The following TNS3 variants were observed in gnomAD, a reference collection of about 807,000 sequenced individuals.
The protein encoded by TNS3 is tensin-3.
Under a neutral mutation model 140.9 loss-of-function variants are expected in TNS3, and 45 were observed. The observed-to-expected ratio is 0.32, with a 90% CI of 0.25 to 0.41. The LOEUF (loss-of-function observed/expected upper bound fraction) is 0.41, where lower values mean the gene tolerates loss of function less well. Ranked by LOEUF, TNS3 falls within the 10% of genes least tolerant of loss-of-function variation. The probability of loss-of-function intolerance (pLI) is 1.00; values close to 1 mark genes in which losing one functional copy is unlikely to be tolerated. For missense variants in TNS3, 1,716 were observed against 1,906.7 expected, an observed-to-expected ratio of 0.90 and a Z score of 1.86; for synonymous variants, 815 against 788.4, an observed-to-expected ratio of 1.03 and a Z score of -0.56.
chr7:47,327,057 G>A (rs904721927), intron 20 of TNS3, among the ~76,000 whole-genome samples: 2 of 152,194 alleles, frequency 1.3e-5, no homozygotes, highest in African/African-American at 4.8e-5. Flanking sequence ...CGCAGAGGAG[G>A]GAGCAGATGC....
chr7:47,344,646 G>A (rs574131389), intron 20 of TNS3, 109 bp downstream of exon 20: 10 of 1,016,438 alleles, frequency 9.8e-6, no homozygotes, highest in African/African-American at 4.8e-5. Context: ...TCTGAGATAC[G>A]ACACAAATGG....
intron 4 of TNS3, among the ~76,000 whole-genome samples, chr7:47,457,108 A>G (rs1796277306): frequency 3.4e-5 from 1 of 29,816 alleles, no homozygotes; most frequent in Non-Finnish European, 7.5e-5. Context: ...TGTGCTGGTA[A>G]AGGGGAGGGG....
At chr7:47,373,460 C>CA (rs781126739) in intron 16 of TNS3, among the ~76,000 whole-genome samples, 3 of 152,222 alleles carry the variant, frequency 2.0e-5, no homozygotes, top group Admixed American at 1.3e-4. Context: ...CCATAGTGGA[C>CA]AGGGCCTTGC....
At chr7:47,481,672 C>A (rs1797424563) in intron 3 of TNS3, 11 of 985,422 alleles carry the variant, frequency 1.1e-5, no homozygotes, top group Non-Finnish European at 1.3e-5. Context: ...CCATTCCGCA[C>A]AAGAGACGGG....
At chr7:47,421,118 T>C (rs1159910663) in intron 10 of TNS3, among the ~76,000 whole-genome samples, 1 of 152,060 alleles carries the variant, frequency 6.6e-6, no homozygotes, top group East Asian at 1.9e-4. Flanking sequence ...ACTTTCCCCA[T>C]TAACTCCGTG....
chr7:47,498,613 A>G lies in TNS3; in HGVS notation c.-115+8294T>C, dbSNP rs552095280. On this transcript the variant is annotated intron_variant, in intron 3 of 30. Transcript: ENST00000311160. ...TATTTAAAACAAATATCTTGTTTCA[A>G]AAGATCATAATTCTCTTTTGGCCTC... is the stretch of plus-strand genomic sequence containing the variant. Among the ~76,000 whole-genome samples, 20 of 152,372 alleles carry G rather than the reference A, an allele frequency of 1.3e-4. 1 individual carries two copies. The highest frequency in any genetic ancestry group is 4.3e-4 in the African/African-American group (18 of 41,586).
chr7:47,580,153 C>T (rs1261209251), intron 1 of TNS3, among the ~76,000 whole-genome samples: 1 of 152,218 alleles, frequency 6.6e-6, no homozygotes, highest in Non-Finnish European at 1.5e-5. Context: ...TCTGGACATG[C>T]ATTAGAATTC....
chr7:47,543,702 G>A (rs1799852466), intron 1 of TNS3, among the ~76,000 whole-genome samples: 1 of 152,228 alleles, frequency 6.6e-6, no homozygotes, highest in Admixed American at 6.5e-5. Context: ...ATGAATGAGA[G>A]TCCACTGGCC....
intron 16 of TNS3, among the ~76,000 whole-genome samples, chr7:47,383,207 CCA>C (rs1190021421): frequency 6.6e-6 from 1 of 152,196 alleles, no homozygotes; most frequent in Non-Finnish European, 1.5e-5. Context: ...TGTGGTGTGT[CCA>C]CACAGTGGCA....
intron 1 of TNS3, among the ~76,000 whole-genome samples, chr7:47,546,402 C>T (rs949257256): frequency 2.6e-5 from 4 of 152,196 alleles, no homozygotes; most frequent in African/African-American, 9.6e-5. Context: ...AGGAGAGCTC[C>T]TTCCTTACAG....
intron 18 of TNS3, 68 bp from the exon 19 acceptor site, chr7:47,345,106 G>T: frequency 2.3e-6 from 3 of 1,306,756 alleles, no homozygotes; most frequent in Non-Finnish European, 2.2e-6. Context: ...AAACAGTTGT[G>T]GTTGTGGCTC....
At chr7:47,411,647 A>T in intron 13 of TNS3, 80 bp downstream of exon 13, 1 of 1,447,972 alleles carries the variant, frequency 6.9e-7, no homozygotes, top group South Asian at 1.2e-5. Flanking sequence ...TTACTGTTTT[A>T]ACACAGAATC....
chr7:47,384,057 T>C (rs1464739132), intron 16 of TNS3, among the ~76,000 whole-genome samples: 1 of 152,206 alleles, frequency 6.6e-6, no homozygotes, highest in African/African-American at 2.4e-5. Context: ...TTTCAACAAA[T>C]GCAGGTCCCT....
At chr7:47,515,454 A>G (rs1798749822) in intron 2 of TNS3, among the ~76,000 whole-genome samples, 1 of 152,094 alleles carries the variant, frequency 6.6e-6, no homozygotes, top group South Asian at 2.1e-4. Context: ...TGTCATCAAC[A>G]TCATCATCAC....
chr7:47,439,267 G>GC (rs1270695138), intron 6 of TNS3, among the ~76,000 whole-genome samples: 1 of 152,230 alleles, frequency 6.6e-6, no homozygotes, highest in Admixed American at 6.5e-5. Context: ...CCTGCGGTCA[G>GC]CAGTCGTGTG....
chr7:47,411,954 A>G (rs1793796336), intron 12 of TNS3, 152 bp from the exon 13 acceptor site: 3 of 762,990 alleles, frequency 3.9e-6, no homozygotes, highest in Non-Finnish European at 6.4e-6. Flanking sequence ...ATCTAAATGA[A>G]TCTAAAAAGG....
chr7:47,538,929 C>G (rs1425274218), intron 1 of TNS3: 1 of 429,918 alleles, frequency 2.3e-6, no homozygotes, highest in African/African-American at 2.0e-5. Flanking sequence ...ACATCTGTAT[C>G]GTATTCATTC....
chr7:47,385,436 A>G (rs1386853148), intron 16 of TNS3, among the ~76,000 whole-genome samples: 1 of 152,152 alleles, frequency 6.6e-6, no homozygotes, highest in African/African-American at 2.4e-5. Context: ...CTCTGCACGG[A>G]GCTGTGCCAT....
In TNS3 at chr7:47,280,274, CA is replaced by C. The variant is rs781262203; in HGVS notation, c.4166+11del. The C allele has an allele frequency of 1.2e-6, 2 of 1,614,094 alleles. No individual in the cohort carries two copies. Among genetic ancestry groups the C allele is most frequent in the South Asian group, 2.2e-5 (2 of 91,072 alleles). On this transcript the variant is annotated intron_variant, in intron 29 of 30. Transcript: ENST00000311160. ...GTACACTCCTTGCTCAATAAAAATG[CA>C]AATTTCTTACTTCCTGTCTTGTGGG... is the stretch of plus-strand genomic sequence containing the variant.
Sources: gnomAD v4.1 joint callset for allele counts (sites outside exome capture counted in the v4.1 genomes callset) on GRCh38, gnomAD v4.1.1 for gene constraint, MANE v1.5 for transcripts, NCBI Gene and HGNC (gene_info 2026-07-23, HGNC 2026-07-21) for gene names.